The following GOLM1 variants were observed in gnomAD, a reference collection of about 807,000 sequenced individuals.
GOLM1 encodes epididymis luminal protein 46.
Under a neutral mutation model 50.5 loss-of-function variants are expected in GOLM1, and 31 were observed. That is an observed-to-expected ratio of 0.61 (90% CI 0.46 to 0.83). GOLM1 has a LOEUF of 0.83. Ranked by LOEUF, GOLM1 falls within the 40% of genes least tolerant of loss-of-function variation. GOLM1 has a pLI of 0.00. For missense variants in GOLM1, 491 were observed against 501.3 expected (o/e 0.98, Z 0.20); for synonymous variants, 178 against 192.8 (o/e 0.92, Z 0.64).
chr9:86,035,759 CAGG>C (rs2118643874), intron 7 of GOLM1, 134 bp from the exon 8 acceptor site: 1 of 752,520 alleles, frequency 1.3e-6, no homozygotes, highest in Non-Finnish European at 2.1e-6. Flanking sequence ...GGGCTGCACA[CAGG>C]AGAACAACCA....
At chr9:86,098,664 A>G (rs182521063) in intron 1 of GOLM1, among the ~76,000 whole-genome samples, 49 of 152,392 alleles carry the variant, frequency 3.2e-4, no homozygotes, top group African/African-American at 1.2e-3. Flanking sequence ...ATTTCATCAA[A>G]ATTGTTATTC....
rs1328513750 is a variant in GOLM1, at chr9:86,027,714, C to T, written c.*103G>A. 4.8e-6 allele frequency: 7 copies of T among 1,461,880 alleles called. No homozygotes were observed. The highest frequency in any genetic ancestry group is 1.5e-5 in the South Asian group (1 of 68,228). 90.6% of individuals were successfully genotyped at this position (1,461,880 alleles called of 1,614,324 possible). On this transcript the variant is annotated 3_prime_UTR_variant, in exon 10 of 10. Transcript: ENST00000388712. ...TTCACAATAATCATCTTCAGATGTA[C>T]ATTTTATTTAGTACATTTCACAGTT...
At chr9:86,066,285 C>T (rs1046167665) in intron 3 of GOLM1, among the ~76,000 whole-genome samples, 11 of 152,162 alleles carry the variant, frequency 7.2e-5, no homozygotes, top group East Asian at 1.9e-4. Flanking sequence ...AGAGCCTCCT[C>T]GTACCCCAAG....
At chr9:86,049,773 C>T (rs1833677548) in intron 4 of GOLM1, among the ~76,000 whole-genome samples, 1 of 152,176 alleles carries the variant, frequency 6.6e-6, no homozygotes, top group South Asian at 2.1e-4. Flanking sequence ...TGAGCTGAGA[C>T]AATGGAGTTT....
At chr9:86,082,885 C>A (rs976280865) in intron 1 of GOLM1, among the ~76,000 whole-genome samples, 6 of 152,206 alleles carry the variant, frequency 3.9e-5, no homozygotes, top group Admixed American at 3.9e-4. Context: ...TTATTTTAAT[C>A]CAAACAAGAT....
chr9:86,042,560 T>C (rs761427375), intron 5 of GOLM1, among the ~76,000 whole-genome samples: 1 of 152,180 alleles, frequency 6.6e-6, no homozygotes, highest in Non-Finnish European at 1.5e-5. Flanking sequence ...CTTGAACAGC[T>C]GACAGATCAG....
At chr9:86,045,352 AAAAAT>A (rs921014120) in intron 5 of GOLM1, among the ~76,000 whole-genome samples, 39 of 151,584 alleles carry the variant, frequency 2.6e-4, no homozygotes, top group African/African-American at 9.0e-4. Flanking sequence ...CTCTGTTTCA[AAAAAT>A]AAAATAAAAT....
chr9:86,081,244 T>C (rs896102847), intron 1 of GOLM1, among the ~76,000 whole-genome samples: 7 of 150,480 alleles, frequency 4.7e-5, no homozygotes, highest in Admixed American at 1.3e-4. Flanking sequence ...TTTTCCAGGC[T>C]GGAGTGCAAT....
At chr9:86,077,757 G>A (rs1180975734) in intron 2 of GOLM1, 166 bp from the exon 3 acceptor site, 2 of 575,038 alleles carry the variant, frequency 3.5e-6, no homozygotes, top group East Asian at 5.5e-5. Flanking sequence ...AGCTGGAGCG[G>A]TTTCTTCTGG....
At chr9:86,087,198 T>G (rs575695365) in intron 1 of GOLM1, among the ~76,000 whole-genome samples, 52 of 152,330 alleles carry the variant, frequency 3.4e-4, no homozygotes, top group African/African-American at 1.2e-3. Flanking sequence ...TTAGGTATTT[T>G]ATTCTCCTTG....
intron 3 of GOLM1, among the ~76,000 whole-genome samples, chr9:86,063,796 G>A (rs1428733263): frequency 5.3e-5 from 8 of 152,122 alleles, no homozygotes; most frequent in East Asian, 1.9e-4. Context: ...AATCAAACAC[G>A]CCAACGCTCT....
intron 4 of GOLM1, among the ~76,000 whole-genome samples, chr9:86,048,087 T>C (rs1477935844): frequency 7.3e-6 from 1 of 136,084 alleles, no homozygotes; most frequent in Non-Finnish European, 1.5e-5. Flanking sequence ...TGTGTTCTCA[T>C]TGTTCAATTT....
intron 1 of GOLM1, among the ~76,000 whole-genome samples, chr9:86,085,458 T>G (rs997102496): frequency 8.6e-5 from 13 of 151,068 alleles, no homozygotes; most frequent in African/African-American, 1.9e-4. Context: ...TTTTTGTTTT[T>G]TTTTTTTTTT....
chr9:86,082,442 T>C (rs1408454145), intron 1 of GOLM1, among the ~76,000 whole-genome samples: 5 of 151,210 alleles, frequency 3.3e-5, no homozygotes, highest in Non-Finnish European at 5.9e-5. Context: ...ACTCACTCTG[T>C]CACCCAGGCT....
chr9:86,027,992 A>G (rs1832838279), intron 9 of GOLM1, 99 bp from the exon 10 acceptor site: 2 of 672,152 alleles, frequency 3.0e-6, no homozygotes, highest in East Asian at 5.5e-5. Context: ...ACTGTCATAA[A>G]GAGGACTGCA....
intron 1 of GOLM1, among the ~76,000 whole-genome samples, chr9:86,090,989 T>C (rs1441193080): frequency 6.6e-6 from 1 of 152,042 alleles, no homozygotes; most frequent in Non-Finnish European, 1.5e-5. Context: ...CAGTCCCTCA[T>C]AGTTTCCCTT....
intron 1 of GOLM1, among the ~76,000 whole-genome samples, chr9:86,096,708 T>C (rs933574720): frequency 6.6e-6 from 1 of 152,174 alleles, no homozygotes; most frequent in Non-Finnish European, 1.5e-5. Context: ...GAAAGAGTAT[T>C]TAAAACAGGG....
chr9:86,086,350 G>C (rs1487462769), intron 1 of GOLM1, among the ~76,000 whole-genome samples: 1 of 151,848 alleles, frequency 6.6e-6, no homozygotes, highest in African/African-American at 2.4e-5. Context: ...TCTTTGTAGA[G>C]TCTGGATATT....
chr9:86,036,238 TG>T, intron 7 of GOLM1, 109 bp downstream of exon 7: 2 of 1,102,152 alleles, frequency 1.8e-6, no homozygotes, highest in Non-Finnish European at 2.8e-6. Context: ...TCCCTGCTCC[TG>T]GCTGCGCCGC....
Sources: allele counts gnomAD v4.1 joint callset (sites outside exome capture counted in the v4.1 genomes callset), GRCh38; gene constraint gnomAD v4.1.1; transcripts MANE v1.5; gene names NCBI Gene and HGNC (gene_info 2026-07-23, HGNC 2026-07-21).